Variants in PCDHGA2 observed in about 807,000 individuals in gnomAD.
The protein encoded by PCDHGA2 is protocadherin gamma subfamily A, 2, also known as protocadherin gamma-A2.
A neutral mutation model predicts 59.2 loss-of-function variants in PCDHGA2; 40 were observed. The observed-to-expected ratio is 0.68, with a 90% CI of 0.52 to 0.88. The LOEUF (loss-of-function observed/expected upper bound fraction) is 0.88, where lower values mean the gene tolerates loss of function less well. Ranked by LOEUF, PCDHGA2 falls within the 40% of genes least tolerant of loss-of-function variation. The pLI, the probability that PCDHGA2 is intolerant of heterozygous loss-of-function variation, is 0.00. For synonymous variants in PCDHGA2, 560 were observed against 526.0 expected, an observed-to-expected ratio of 1.06 and a Z score of -0.89; for missense variants, 1,226 against 1,204.0, an observed-to-expected ratio of 1.02 and a Z score of -0.27.
chr5:141,400,292 G>T, intron 1 of PCDHGA2: 1 of 1,614,078 alleles, frequency 6.2e-7, no homozygotes, highest in South Asian at 1.1e-5. Flanking sequence ...GCCTGGAGCT[G>T]CTTCCAACCT....
chr5:141,372,912 T>G, intron 1 of PCDHGA2: 1 of 1,057,916 alleles, frequency 9.5e-7, no homozygotes. Context: ...ATTACATTAT[T>G]TTATTGATTT....
At chr5:141,413,151 T>C (rs1192899612) in intron 1 of PCDHGA2, 5 of 1,573,560 alleles carry the variant, frequency 3.2e-6, no homozygotes, top group South Asian at 1.2e-5. Context: ...GTGAGGACTT[T>C]GCAGAATTCT....
At position 141,431,495 on chromosome 5, in the gene PCDHGA2, G is replaced by A. The variant is rs557611439; in HGVS notation, c.2425-63312G>A. The A allele has an allele frequency of 4.3e-6, 7 of 1,613,864 alleles. No homozygotes were observed. The highest frequency in any genetic ancestry group is 1.1e-5 in the South Asian group (1 of 91,092). On this transcript the variant is annotated intron_variant, in intron 1 of 3. Coordinates refer to ENST00000394576, the MANE Select transcript of PCDHGA2 (RefSeq NM_018915.4). This position sits in a 1 kb window ranked among gnomAD's most constrained non-coding sequence, Gnocchi z 4.8. ...CAACGCACCAGCGTTTGCTCAGCCC[G>A]AGTACCGCGCGAGCGTTCCGGAGAA...
intron 1 of PCDHGA2, chr5:141,361,514 A>T (rs765118611): frequency 6.8e-6 from 11 of 1,614,028 alleles, no homozygotes; most frequent in Non-Finnish European, 9.3e-6. Context: ...TACATGGTTC[A>T]CGTGGCAGAG....
chr5:141,424,076 A>C, intron 1 of PCDHGA2: 2 of 979,452 alleles, frequency 2.0e-6, no homozygotes, highest in Non-Finnish European at 2.5e-6. Flanking sequence ...TTGTAGTTAT[A>C]TTCCACCATT....
chr5:141,459,284 A>C (rs2098965103), intron 1 of PCDHGA2, among the ~76,000 whole-genome samples: 1 of 152,174 alleles, frequency 6.6e-6, no homozygotes, highest in African/African-American at 2.4e-5. Flanking sequence ...ATTTCATCTA[A>C]ATGGAATCCT....
intron 1 of PCDHGA2, among the ~76,000 whole-genome samples, chr5:141,465,090 A>G (rs566511602): frequency 6.7e-6 from 1 of 149,576 alleles, no homozygotes; most frequent in Admixed American, 6.7e-5. Flanking sequence ...TCATTTTTCT[A>G]GTAGTTTTTT....
chr5:141,429,697 C>T (rs2097236349), intron 1 of PCDHGA2, among the ~76,000 whole-genome samples: 1 of 152,134 alleles, frequency 6.6e-6, no homozygotes, highest in African/African-American at 2.4e-5. Context: ...AATATCTTTA[C>T]AGTATAAATA....
rs1763351021 is a variant in PCDHGA2, at chr5:141,364,473, T to C, written c.2424+23078T>C. On this transcript the variant is annotated intron_variant, in intron 1 of 3. Transcript: ENST00000394576. ...GACAAAGGCTCCTTCGTCGGCAACA[T>C]AGCCAAGGACCTTGGGCTGGAGCCC... 2.5e-6 allele frequency: 4 copies of C among 1,613,868 alleles called. No homozygotes were observed. The highest frequency in any genetic ancestry group is 2.5e-6 in the Non-Finnish European group (3 of 1,179,886).
chr5:141,346,052 C>A (rs1421080546), intron 1 of PCDHGA2: 1 of 1,613,460 alleles, frequency 6.2e-7, no homozygotes, highest in Admixed American at 1.7e-5. Flanking sequence ...ACATCCTGGC[C>A]GACCTGGGCA....
intron 1 of PCDHGA2, chr5:141,361,738 C>G (rs1860251): frequency 2.5e-6 from 4 of 1,613,022 alleles, no homozygotes; most frequent in Non-Finnish European, 3.4e-6. Flanking sequence ...ACTGCAGGCC[C>G]GCGACCAGGG....
At chr5:141,433,391 CTA>C (rs1477426085) in intron 1 of PCDHGA2, among the ~76,000 whole-genome samples, 3 of 151,570 alleles carry the variant, frequency 2.0e-5, no homozygotes, top group African/African-American at 7.3e-5. Context: ...ATCTATCTAT[CTA>C]TCTATCTATC....
rs368512862 is a variant in PCDHGA2 at position 141,491,734 on chromosome 5, G to T, written c.2425-3073G>T. ...CTCGGCGCCGCCCCGGGCGACCCCT[G>T]GGGGCGGCACTGGAGAAGCCGCCCG... On this transcript the variant is annotated intron_variant, in intron 1 of 3. Transcript: ENST00000394576. The surrounding 1 kb of genome is among the most constrained non-coding windows in gnomAD (Gnocchi z 6.9). 2.5e-4 allele frequency: 403 copies of T among 1,602,056 alleles called. No individual in the cohort carries two copies. Among genetic ancestry groups the T allele is most frequent in the Non-Finnish European group, 3.2e-4 (380 of 1,174,948 alleles).
intron 1 of PCDHGA2, chr5:141,361,293 G>A: frequency 1.2e-6 from 2 of 1,614,018 alleles, no homozygotes; most frequent in Non-Finnish European, 8.5e-7. Context: ...ACTGCCAAGT[G>A]TTGGGAAATG....
intron 1 of PCDHGA2, chr5:141,399,794 C>T (rs2093888579): frequency 1.9e-6 from 3 of 1,613,268 alleles, no homozygotes; most frequent in Middle Eastern, 1.7e-4. Flanking sequence ...GACAACGCAC[C>T]GCGGGTGCTG....
chr5:141,355,943 A>G lies in PCDHGA2; in HGVS notation c.2424+14548A>G, dbSNP rs747714819. 9 of 1,613,862 alleles carry G rather than the reference A, an allele frequency of 5.6e-6. No homozygotes were observed. The East Asian group carries it at 1.8e-4, about 32-fold the overall frequency. ...CCCGTGTTCACTCAGCCCGAGTACC[A>G]CGTAAGTGTTCGTGAGAACGTTCCT... On this transcript the variant is annotated intron_variant, in intron 1 of 3. Coordinates refer to ENST00000394576, the MANE Select transcript of PCDHGA2 (RefSeq NM_018915.4).
rs376221362 is a variant in PCDHGA2, at chr5:141,389,239, A to G, written c.2424+47844A>G. 8.2e-5 allele frequency: 132 copies of G among 1,614,008 alleles called. No homozygotes were observed. The highest frequency in any genetic ancestry group is 6.6e-4 in the Middle Eastern group (4 of 6,062). ...AATGACAACGCTCCGGTTTTCTCAC[A>G]GTCTTCCTATATAGTCCACGTGGCC... On this transcript the variant is annotated intron_variant, in intron 1 of 3. Coordinates refer to ENST00000394576, the MANE Select transcript of PCDHGA2 (RefSeq NM_018915.4).
intron 1 of PCDHGA2, among the ~76,000 whole-genome samples, chr5:141,438,793 C>T (rs982191766): frequency 2.7e-5 from 4 of 149,544 alleles, no homozygotes; most frequent in African/African-American, 7.4e-5. Context: ...TCTCCAGTAG[C>T]TGGGATTACA....
intron 1 of PCDHGA2, among the ~76,000 whole-genome samples, chr5:141,346,791 G>A (rs1757804797): frequency 6.6e-6 from 1 of 152,184 alleles, no homozygotes; most frequent in Non-Finnish European, 1.5e-5. Flanking sequence ...TAACTATGAT[G>A]AGAGAAACAC....
Sources: gnomAD v4.1 joint callset for allele counts (sites outside exome capture counted in the v4.1 genomes callset) on GRCh38, gnomAD v4.1.1 for gene constraint, Gnocchi (gnomAD v3.1) non-coding constraint, MANE v1.5 for transcripts, NCBI Gene and HGNC (gene_info 2026-07-23, HGNC 2026-07-21) for gene names.